The following RTN4 variants were observed in gnomAD, a reference collection of about 807,000 sequenced individuals.
RTN4 encodes reticulon 4.
Under a neutral mutation model 90.4 loss-of-function variants are expected in RTN4, and 32 were observed. The ratio of observed to expected loss-of-function variants is 0.35; its 90% confidence interval spans 0.27 to 0.48. The LOEUF is 0.48. Among genes scored for constraint, RTN4 ranks in the 20% least tolerant of loss-of-function variants. RTN4 has a pLI of 0.99. For synonymous variants in RTN4, 629 were observed against 552.5 expected, an observed-to-expected ratio of 1.14 and a Z score of -1.94; for missense variants, 1,706 against 1,430.2, an observed-to-expected ratio of 1.19 and a Z score of -3.11.
intron 3 of RTN4, 116 bp from the exon 4 acceptor site, chr2:54,987,814 A>G: frequency 1.3e-6 from 1 of 788,848 alleles, no homozygotes; most frequent in South Asian, 1.8e-5. Flanking sequence ...AAAAATTTAA[A>G]GAAACACTAA....
chr2:55,118,065 AC>A, the RTN4 span, among the ~76,000 whole-genome samples: 3 of 152,162 alleles, frequency 2.0e-5, no homozygotes, highest in Non-Finnish European at 1.5e-5. Context: ...TAGCAACCCC[AC>A]CCCTGAGAAG....
At chr2:54,974,400 C>G (rs1677429437) in intron 6 of RTN4, among the ~76,000 whole-genome samples, 1 of 152,222 alleles carries the variant, frequency 6.6e-6, no homozygotes, top group Non-Finnish European at 1.5e-5. Context: ...CTGCCTCAGC[C>G]TCCGGAGTAG....
chr2:55,089,440 T>C (rs1337535650), intron 1 of RTN4, among the ~76,000 whole-genome samples: 1 of 152,212 alleles, frequency 6.6e-6, no homozygotes, highest in East Asian at 1.9e-4. Flanking sequence ...CTCCTGAATG[T>C]GACTTGTCTA....
rs747128956 is a variant in RTN4 at position 55,038,062 on chromosome 2, A to C, written c.557-9842T>G. On this transcript the variant is annotated intron_variant, in intron 1 of 8. Coordinates refer to ENST00000337526, the MANE Select transcript of RTN4 (RefSeq NM_020532.5). ...TATTTTCAAAAAACTCTGCTGGGAAAACTGCTTATTATATGTATGGAAAAG... is the reference window on the plus strand; with the variant it reads ...TATTTTCAAAAAACTCTGCTGGGAACACTGCTTATTATATGTATGGAAAAG... Among the ~76,000 whole-genome samples the C allele has an allele frequency of 8.7e-4, 133 of 152,270 alleles. 1 individual carries two copies. Among genetic ancestry groups the C allele is most frequent in the East Asian group, 2.7e-3 (14 of 5,186 alleles).
At chr2:55,110,310 CAAAAAAAA>C (rs11289091) in intron 1 of RTN4, among the ~76,000 whole-genome samples, 2 of 96,252 alleles carry the variant, frequency 2.1e-5, no homozygotes, top group South Asian at 3.7e-4. Flanking sequence ...GACCCTGTCT[CAAAAAAAA>C]AAAAAAAAAA....
chr2:55,023,374 A>G (rs1362905336), intron 3 of RTN4, among the ~76,000 whole-genome samples: 1 of 152,156 alleles, frequency 6.6e-6, no homozygotes, highest in East Asian at 1.9e-4. Context: ...CTTCCACCCA[A>G]GCATGATCTA....
At chr2:55,035,572 CAAGTAA>C (rs1387786979) in intron 1 of RTN4, among the ~76,000 whole-genome samples, 1 of 150,612 alleles carries the variant, frequency 6.6e-6, no homozygotes, top group Admixed American at 6.6e-5. Context: ...TAAATCCAAA[CAAGTAA>C]AAGAAAATAA....
chr2:54,974,613 G>C, intron 6 of RTN4, 82 bp downstream of exon 6: 1 of 1,134,470 alleles, frequency 8.8e-7, no homozygotes, highest in Admixed American at 1.7e-5. Context: ...CATACAATGA[G>C]AATATTCTCC....
At chr2:55,077,063 A>G (rs1668616165) in intron 2 of RTN4, among the ~76,000 whole-genome samples, 1 of 148,890 alleles carries the variant, frequency 6.7e-6, no homozygotes, top group Admixed American at 6.8e-5. Flanking sequence ...TCCAGGTTGC[A>G]GTGCAGTGGC....
chr2:54,989,856 CATCTT>C (rs1410176937), intron 3 of RTN4, among the ~76,000 whole-genome samples: 1 of 152,138 alleles, frequency 6.6e-6, no homozygotes, highest in Non-Finnish European at 1.5e-5. Flanking sequence ...TAACTGTAAG[CATCTT>C]TCTGCTAACA....
At position 55,112,130 on chromosome 2, in the gene RTN4, G is replaced by A. The variant is rs576699104; in HGVS notation, c.-214+390C>T. 3.3e-5 allele frequency among the ~76,000 whole-genome samples: 5 copies of A among 152,280 alleles called. No individual in the cohort carries two copies. The East Asian group carries it at 7.7e-4, about 24-fold the overall frequency. ...TCAGAGGCTCTGAGAGGCCCCCTGT[G>A]GGGGAGCGTGTTCAGGACTATATGA... On this transcript the variant is annotated intron_variant, in intron 1 of 3. Coordinates refer to the RTN4 transcript ENST00000427710.
intron 3 of RTN4, among the ~76,000 whole-genome samples, chr2:54,990,055 T>TA (rs1309826491): frequency 6.6e-6 from 1 of 151,986 alleles, no homozygotes; most frequent in African/African-American, 2.4e-5. Context: ...TCACCTAGAC[T>TA]AAAAAAATGG....
At chr2:54,973,310 A>T in intron 8 of RTN4, 112 bp from the exon 9 acceptor site, 1 of 1,032,624 alleles carries the variant, frequency 9.7e-7, no homozygotes, top group Non-Finnish European at 1.4e-6. Flanking sequence ...TGAAATCCTT[A>T]AAGCTGCCTA....
intron 3 of RTN4, among the ~76,000 whole-genome samples, chr2:55,011,393 T>C (rs561999176): frequency 2.0e-5 from 3 of 152,302 alleles, no homozygotes; most frequent in African/African-American, 4.8e-5. Flanking sequence ...TGTTCAACTT[T>C]ATAAAACTGA....
intron 3 of RTN4, among the ~76,000 whole-genome samples, chr2:55,012,815 T>C (rs1340393372): frequency 1.3e-5 from 2 of 152,180 alleles, no homozygotes; most frequent in Admixed American, 6.5e-5. Flanking sequence ...CAAACTATTG[T>C]CGTTGCTGTA....
chr2:55,124,780 A>T, the RTN4 span, among the ~76,000 whole-genome samples: 4 of 152,362 alleles, frequency 2.6e-5, no homozygotes, highest in East Asian at 5.8e-4. Context: ...AAAAGAACAA[A>T]GTTGGAAGTA....
intron 2 of RTN4, among the ~76,000 whole-genome samples, chr2:55,066,190 TG>T (rs869226730): frequency 0.33 from 43,698 of 132,586 alleles, 7,337 homozygotes; most frequent in East Asian, 0.57. Flanking sequence ...TGTGTGTGTG[TG>T]TTTGTGTGTG....
At chr2:55,119,778 T>C in the RTN4 span, among the ~76,000 whole-genome samples, 1 of 152,132 alleles carries the variant, frequency 6.6e-6, no homozygotes, top group Non-Finnish European at 1.5e-5. Context: ...GCATGTGGTT[T>C]CCACAACCAC....
chr2:55,109,836 A>T (rs1308882227), intron 1 of RTN4, among the ~76,000 whole-genome samples: 2 of 152,360 alleles, frequency 1.3e-5, no homozygotes, highest in African/African-American at 2.4e-5. Flanking sequence ...CTCAGCCAAG[A>T]AAAGAGGAGT....
Sources: allele counts gnomAD v4.1 joint callset (sites outside exome capture counted in the v4.1 genomes callset), GRCh38; gene constraint gnomAD v4.1.1; transcripts MANE v1.5; gene names NCBI Gene and HGNC (gene_info 2026-07-23, HGNC 2026-07-21).